Variants in ZCCHC4 observed in about 807,000 individuals in gnomAD.
The protein encoded by ZCCHC4 is zinc finger CCHC-type containing 4.
In ZCCHC4, 54 loss-of-function variants were observed where a neutral mutation model predicts 67.7. The observed-to-expected ratio is 0.80, with a 90% CI of 0.64 to 1.00. ZCCHC4 has a LOEUF of 1.00. Ranked by LOEUF, ZCCHC4 falls within the 50% of genes least tolerant of loss-of-function variation. The probability of loss-of-function intolerance (pLI) is 0.00; values close to 1 mark genes in which losing one functional copy is unlikely to be tolerated. For missense variants in ZCCHC4, 609 were observed against 617.0 expected (o/e 0.99, Z 0.14); for synonymous variants, 198 against 213.5 (o/e 0.93, Z 0.63).
intron 8 of ZCCHC4, among the ~76,000 whole-genome samples, chr4:25,358,477 T>C (rs988390659): frequency 2.0e-5 from 3 of 152,244 alleles, no homozygotes; most frequent in Non-Finnish European, 4.4e-5. Context: ...GTAAAGTCTG[T>C]TGTATTAGAT....
intron 5 of ZCCHC4, among the ~76,000 whole-genome samples, chr4:25,344,460 T>A (rs1387048016): frequency 1.1e-5 from 1 of 93,472 alleles, no homozygotes; most frequent in East Asian, 3.2e-4. Context: ...TGGGGACTGT[T>A]GTGGGGTGGG....
chr4:25,333,284 AGGTTCTG>A lies in ZCCHC4; in HGVS notation c.435_441del (p.Leu146MetfsTer7), dbSNP rs752074307. 6.2e-7 allele frequency: 1 copy of A among 1,614,198 alleles called. No homozygotes were observed. Among genetic ancestry groups the A allele is most frequent in the Non-Finnish European group, 8.5e-7 (1 of 1,180,026 alleles). ...GACTGGGGGCAACATAGTGAGCATC[AGGTTCTG>A]GGTAATGTGTCCATTACCCAGTTAA... On this transcript the variant is annotated frameshift_variant, in exon 4 of 13. Coordinates refer to ENST00000302874, the MANE Select transcript of ZCCHC4 (RefSeq NM_024936.3). LOFTEE classifies it high-confidence loss of function.
intron 3 of ZCCHC4, among the ~76,000 whole-genome samples, chr4:25,322,591 C>T (rs1189895601): frequency 1.3e-5 from 2 of 152,062 alleles, no homozygotes; most frequent in East Asian, 1.9e-4. Context: ...GATCTTGGCT[C>T]ACCATAACCT....
rs775560036 is a variant in ZCCHC4, at chr4:25,333,395, A to T, written c.542A>T (p.Gln181Leu). The T allele has an allele frequency of 6.2e-6, 10 of 1,614,066 alleles. No homozygotes were observed. The highest frequency in any genetic ancestry group is 1.3e-5 in the African/African-American group (1 of 74,942). The change falls in exon 4 of 13, where the codon CAG becomes CTG. Residue 181 changes from glutamine to leucine, a missense_variant. Physicochemically the swap from Gln to Leu is moderately radical, Grantham distance 113. Coordinates refer to ENST00000302874, the MANE Select transcript of ZCCHC4 (RefSeq NM_024936.3). ...AQYLFADRSC[Q>L]FLVDLLSALG... The stretch of plus-strand genomic sequence containing the variant: ...TATCTGTTTGCTGATCGGAGCTGTC[A>T]GTTCTTGGTAGACTTACTTTCTGCC...
intron 11 of ZCCHC4, among the ~76,000 whole-genome samples, 174 bp downstream of exon 11, chr4:25,364,679 C>T (rs1397083718): frequency 6.6e-6 from 1 of 152,098 alleles, no homozygotes; most frequent in Non-Finnish European, 1.5e-5. Context: ...CATGTTCCGC[C>T]TTGCATGAGA....
At chr4:25,353,426 C>T (rs982915150) in intron 8 of ZCCHC4, among the ~76,000 whole-genome samples, 2 of 152,310 alleles carry the variant, frequency 1.3e-5, no homozygotes, top group Admixed American at 6.5e-5. Flanking sequence ...TCATTTAACT[C>T]GTTTTTGGGG....
At chr4:25,355,604 C>T (rs1459100349) in intron 8 of ZCCHC4, among the ~76,000 whole-genome samples, 2 of 152,138 alleles carry the variant, frequency 1.3e-5, no homozygotes, top group Admixed American at 1.3e-4. Flanking sequence ...TTTGTCAAAG[C>T]TATCCTTTTT....
At chr4:25,365,439 T>A in intron 12 of ZCCHC4, 1 of 1,185,724 alleles carries the variant, frequency 8.4e-7, no homozygotes, top group Non-Finnish European at 1.1e-6. Context: ...GCTTTACGTC[T>A]CATGTGTAAA....
rs1006987885 is a variant in ZCCHC4 at position 25,315,336 on chromosome 4, G to A, written c.265G>A (p.Ala89Thr). ...CTTTCAGTTGTCAGGAGCTAGACTT[G>A]CTGCCCGAGAAGCTCATAACCGAAG... ...EDEKLSGARL[A>T]AREAHNRRCQ... Residue 89 changes from alanine to threonine, a missense_variant, in exon 3 of 13, where the codon GCT becomes ACT. Transcript: ENST00000302874. 1 of 1,612,582 alleles carries A rather than the reference G, an allele frequency of 6.2e-7. No homozygotes were observed. The highest frequency in any genetic ancestry group is 8.5e-7 in the Non-Finnish European group (1 of 1,179,212).
intron 3 of ZCCHC4, 77 bp from the exon 4 acceptor site, chr4:25,333,106 C>T: frequency 5.5e-6 from 8 of 1,459,442 alleles, no homozygotes; most frequent in South Asian, 2.7e-5. Context: ...TTTTTGGATG[C>T]TAAAAATAGC....
chr4:25,317,929 G>A (rs533754841), intron 3 of ZCCHC4, among the ~76,000 whole-genome samples: 1 of 152,218 alleles, frequency 6.6e-6, no homozygotes, highest in Admixed American at 6.5e-5. Context: ...GTTTTTAAAT[G>A]TAAAAGCAGA....
intron 5 of ZCCHC4, among the ~76,000 whole-genome samples, chr4:25,335,815 G>C (rs1052922984): frequency 6.6e-6 from 1 of 152,074 alleles, no homozygotes; most frequent in African/African-American, 2.4e-5. Flanking sequence ...AGATTTCTGA[G>C]TCAACTCTAA....
intron 8 of ZCCHC4, among the ~76,000 whole-genome samples, chr4:25,360,898 G>C (rs1255419814): frequency 6.6e-6 from 1 of 152,228 alleles, no homozygotes; most frequent in Non-Finnish European, 1.5e-5. Flanking sequence ...GTTTGAAACT[G>C]GGCATGGGCA....
At chr4:25,354,560 C>T (rs1467144933) in intron 8 of ZCCHC4, among the ~76,000 whole-genome samples, 4 of 152,154 alleles carry the variant, frequency 2.6e-5, no homozygotes, top group Non-Finnish European at 4.4e-5. Flanking sequence ...TATTTGATTA[C>T]GTTCTTGGAC....
chr4:25,344,806 CTTT>C (rs35047070), intron 5 of ZCCHC4, among the ~76,000 whole-genome samples: 1 of 141,540 alleles, frequency 7.1e-6, no homozygotes. Flanking sequence ...ATTTGTATTA[CTTT>C]TTTTTTTTTT....
chr4:25,320,976 T>C (rs959462007), intron 3 of ZCCHC4, among the ~76,000 whole-genome samples: 1 of 152,198 alleles, frequency 6.6e-6, no homozygotes, highest in African/African-American at 2.4e-5. Flanking sequence ...CTTCCCTTCC[T>C]AGTGATTTTG....
chr4:25,318,514 C>T (rs916444208), intron 3 of ZCCHC4, among the ~76,000 whole-genome samples: 3 of 151,754 alleles, frequency 2.0e-5, no homozygotes, highest in Non-Finnish European at 4.4e-5. Context: ...GCCACCATGC[C>T]CAGCTAATTT....
In ZCCHC4 at chr4:25,314,227, C is replaced by T. The variant is rs1384550793; in HGVS notation, c.246+63C>T. 4.8e-6 allele frequency: 5 copies of T among 1,034,314 alleles called. No individual in the cohort carries two copies. The African/African-American group carries it at 8.0e-5, about 17-fold the overall frequency. 64.1% of individuals were successfully genotyped at this position (1,034,314 alleles called of 1,614,324 possible). A position where few individuals can be genotyped will look rare whatever the true frequency, so the allele number is the denominator to read the frequency against. On this transcript the variant is annotated intron_variant, in intron 2 of 12. Coordinates refer to ENST00000302874, the MANE Select transcript of ZCCHC4 (RefSeq NM_024936.3). ...GTATGTGTGACAATTTTGTTGAGAA[C>T]GTGTAAACCAATAAAAATATGCGGT... is the stretch of plus-strand genomic sequence containing the variant.
chr4:25,340,517 A>G (rs755298337), intron 5 of ZCCHC4, among the ~76,000 whole-genome samples: 4 of 152,134 alleles, frequency 2.6e-5, no homozygotes, highest in Non-Finnish European at 4.4e-5. Context: ...TCAGCTTGTC[A>G]ATTTCTACAA....
Sources: allele counts gnomAD v4.1 joint callset (sites outside exome capture counted in the v4.1 genomes callset), GRCh38; gene constraint gnomAD v4.1.1; transcripts MANE v1.5; gene names NCBI Gene and HGNC (gene_info 2026-07-23, HGNC 2026-07-21).